The following CABLES2 variants were observed in gnomAD, a reference collection of about 807,000 sequenced individuals.
CABLES2 encodes Cdk5 and Abl enzyme substrate 2.
A neutral mutation model predicts 44.8 loss-of-function variants in CABLES2; 35 were observed. The observed-to-expected ratio is 0.78, with a 90% confidence interval of 0.60 to 1.04. CABLES2 has a LOEUF of 1.04. Among genes scored for constraint, CABLES2 ranks in the 50% least tolerant of loss-of-function variants. CABLES2 has a pLI of 0.00. For synonymous variants in CABLES2, 282 were observed against 281.1 expected, an observed-to-expected ratio of 1.00 and a Z score of -0.03; for missense variants, 566 against 615.7, an observed-to-expected ratio of 0.92 and a Z score of 0.85.
chr20:62,390,647 G>T lies in CABLES2; in HGVS notation c.*324C>A. ...CACTGCAGCCGGCTCGCTGCTGCACGCTGTGAACAAAAGGTCCTGGTACCA... is the reference window on the plus strand; with the variant it reads ...CACTGCAGCCGGCTCGCTGCTGCACTCTGTGAACAAAAGGTCCTGGTACCA... On this transcript the variant is annotated 3_prime_UTR_variant, in exon 10 of 10. Transcript: ENST00000279101. The T allele has an allele frequency of 2.8e-6, 1 of 358,234 alleles. No homozygotes were observed. The highest frequency in any genetic ancestry group is 5.3e-6 in the Non-Finnish European group (1 of 189,826). The allele number at this position is 358,234 out of a possible 1,614,324, so 22.2% of individuals were successfully genotyped here.
chr20:62,401,641 C>T (rs751115362), intron 1 of CABLES2, among the ~76,000 whole-genome samples: 1 of 152,222 alleles, frequency 6.6e-6, no homozygotes, highest in Non-Finnish European at 1.5e-5. Flanking sequence ...GCGGGACATG[C>T]GCAATCAGGG....
chr20:62,400,977 G>A (rs1354687399), intron 1 of CABLES2, among the ~76,000 whole-genome samples: 2 of 152,196 alleles, frequency 1.3e-5, no homozygotes, highest in African/African-American at 4.8e-5. Flanking sequence ...GCATTCTGAC[G>A]CTCAGTTCAT....
chr20:62,398,106 ATGGTGGTGG>A (rs1169956607), intron 1 of CABLES2, among the ~76,000 whole-genome samples: 2 of 48,776 alleles, frequency 4.1e-5, no homozygotes, highest in East Asian at 1.1e-3. Flanking sequence ...GGTGGTGGTG[ATGGTGGTGG>A]TGGTGGTGGT....
rs143555104 is a variant in CABLES2, at chr20:62,388,861, G to A, written c.*2110C>T. On this transcript the variant is annotated 3_prime_UTR_variant, in exon 10 of 10. Coordinates refer to ENST00000279101, the MANE Select transcript of CABLES2 (RefSeq NM_031215.3). Reference sequence around the variant, plus strand: ...TTCTAGAGAATGACAGGCTGAGACTGTAGTTTGGTTTAACTACTGGCTTTG... The same window carrying A: ...TTCTAGAGAATGACAGGCTGAGACTATAGTTTGGTTTAACTACTGGCTTTG... 103 of 232,280 alleles carry A rather than the reference G, an allele frequency of 4.4e-4. No individual in the cohort carries two copies. Among genetic ancestry groups the A allele is most frequent in the African/African-American group, 2.3e-3 (100 of 43,660 alleles). 14.4% of individuals were successfully genotyped at this position (232,280 alleles called of 1,614,324 possible). A position where few individuals can be genotyped will look rare whatever the true frequency, so the allele number is the denominator to read the frequency against.
chr20:62,401,208 G>C (rs1404452505), intron 1 of CABLES2, among the ~76,000 whole-genome samples: 5 of 152,200 alleles, frequency 3.3e-5, no homozygotes, highest in Non-Finnish European at 7.3e-5. Flanking sequence ...TTTGGTTTGA[G>C]TCCACAAGAC....
chr20:62,398,790 G>A (rs1988134095), intron 1 of CABLES2, among the ~76,000 whole-genome samples: 3 of 152,178 alleles, frequency 2.0e-5, no homozygotes. Context: ...CAGCGAGAGT[G>A]CCACAGCCAC....
intron 1 of CABLES2, among the ~76,000 whole-genome samples, chr20:62,406,652 GACT>G (rs1988294345): frequency 1.3e-5 from 2 of 148,466 alleles, no homozygotes; most frequent in African/African-American, 5.2e-5. Context: ...TGAGGGCCCA[GACT>G]GACCCTGACC....
chr20:62,406,534 G>T (rs1569020569), intron 1 of CABLES2, among the ~76,000 whole-genome samples: 1 of 152,092 alleles, frequency 6.6e-6, no homozygotes, highest in Admixed American at 6.5e-5. Context: ...CCCTATGTGT[G>T]GGGGGTGACA....
intron 7 of CABLES2, 38 bp from the exon 8 acceptor site, chr20:62,392,533 G>A (rs751393390): frequency 1.7e-5 from 25 of 1,445,440 alleles, no homozygotes; most frequent in Non-Finnish European, 1.8e-5. Context: ...CCGGCCCCTC[G>A]CACAGTCCAT....
chr20:62,391,542 G>A lies in CABLES2; in HGVS notation c.1092-89C>T, dbSNP rs1475260568. On this transcript the variant is annotated intron_variant, in intron 8 of 9. Transcript: ENST00000279101. This position sits in a 1 kb window ranked among gnomAD's most constrained non-coding sequence, Gnocchi z 5.7. ...TGCCACCACCAACCGAGGCTGGAGC[G>A]ATGTAGCTTTGGGCCGCAAGAAACA... 11 of 1,378,504 alleles carry A rather than the reference G, an allele frequency of 8.0e-6. No individual in the cohort carries two copies. Among genetic ancestry groups the A allele is most frequent in the South Asian group, 2.4e-5 (2 of 82,790 alleles). 85.4% of individuals were successfully genotyped at this position (1,378,504 alleles called of 1,614,324 possible). A position where few individuals can be genotyped will look rare whatever the true frequency, so the allele number is the denominator to read the frequency against.
Position 62,391,515 on chromosome 20 carries a change from C to T in CABLES2, c.1092-62G>A, listed in dbSNP as rs117522980. ...CTGGCTGGGGCTGAGGAGGCAGCCCCCTGCCACCACCAACCGAGGCTGGAG... is the reference window on the plus strand; with the variant it reads ...CTGGCTGGGGCTGAGGAGGCAGCCCTCTGCCACCACCAACCGAGGCTGGAG... On this transcript the variant is annotated intron_variant, in intron 8 of 9. Transcript: ENST00000279101. The surrounding 1 kb of genome is among the most constrained non-coding windows in gnomAD (Gnocchi z 5.7). The T allele has an allele frequency of 0.015, 22,555 of 1,537,672 alleles. 222 individuals are homozygous for T. The highest frequency in any genetic ancestry group is 0.018 in the Non-Finnish European group (20,114 of 1,114,742).
chr20:62,398,077 T>TGATGGCGATGGTGGTGGTGAC, intron 1 of CABLES2, among the ~76,000 whole-genome samples: 1 of 33,110 alleles, frequency 3.0e-5, no homozygotes, highest in South Asian at 1.2e-3. Context: ...GTGACGGTGG[T>TGATGGCGATGGTGGTGGTGAC]GGTGGTGGTG....
At chr20:62,401,066 T>C (rs781205467) in intron 1 of CABLES2, among the ~76,000 whole-genome samples, 8 of 152,212 alleles carry the variant, frequency 5.3e-5, no homozygotes, top group Admixed American at 5.2e-4. Context: ...AGTGGGGACC[T>C]GAGCCCACGT....
rs568629321 is a variant in CABLES2, at chr20:62,389,795, G to C, written c.*1176C>G. 10 of 152,408 alleles carry C rather than the reference G, an allele frequency of 6.6e-5. No individual in the cohort carries two copies. Among genetic ancestry groups the C allele is most frequent in the African/African-American group, 2.4e-4 (10 of 41,592 alleles). The allele number at this position is 152,408 out of a possible 1,614,324, so 9.4% of individuals were successfully genotyped here. ...TGCAGAATTTGTTGCAAGAACTTCA[G>C]ACAGACGTGGAAAAACTAGAGATGG... On this transcript the variant is annotated 3_prime_UTR_variant, in exon 10 of 10. Transcript: ENST00000279101.
At chr20:62,394,030 A>G (rs1987969515) in intron 5 of CABLES2, 127 bp downstream of exon 5, 2 of 773,594 alleles carry the variant, frequency 2.6e-6, no homozygotes, top group Non-Finnish European at 4.4e-6. Context: ...CATCCACTCC[A>G]CCCTTGCGTT....
At chr20:62,394,864 GGGCCTGGCCGAGACCA>G (rs1263661640) in intron 4 of CABLES2, 57 bp downstream of exon 4, 2 of 1,415,436 alleles carry the variant, frequency 1.4e-6, no homozygotes, top group East Asian at 4.8e-5. Context: ...GATGCCTCCT[GGGCCTGGCCGAGACCA>G]GGCCTTGCCT....
chr20:62,397,163 C>A (rs1885605379), intron 1 of CABLES2, among the ~76,000 whole-genome samples: 1 of 152,246 alleles, frequency 6.6e-6, no homozygotes, highest in Non-Finnish European at 1.5e-5. Flanking sequence ...CTGGAACATT[C>A]TGTTCCTGCT....
Position 62,389,059 on chromosome 20 carries a change from T to C in CABLES2, c.*1912A>G, listed in dbSNP as rs1316767787. 1 of 154,360 alleles carries C rather than the reference T, an allele frequency of 6.5e-6. No individual in the cohort carries two copies. The highest frequency in any genetic ancestry group is 1.4e-5 in the Non-Finnish European group (1 of 69,426). The allele number at this position is 154,360 out of a possible 1,614,324, so 9.6% of individuals were successfully genotyped here. ...GCTTATCAGCCATTTCTCGCATTCA[T>C]GTGTAGGAAAAACCATGGAGACGTG... On this transcript the variant is annotated 3_prime_UTR_variant, in exon 10 of 10. Coordinates refer to ENST00000279101, the MANE Select transcript of CABLES2 (RefSeq NM_031215.3).
At chr20:62,392,771 C>T (rs1987942884) in intron 7 of CABLES2, 149 bp downstream of exon 7, 2 of 762,114 alleles carry the variant, frequency 2.6e-6, no homozygotes, top group South Asian at 1.6e-5. Context: ...CTGGCCTGCC[C>T]TGCACACCGC....
Sources: gnomAD v4.1 joint callset for allele counts (sites outside exome capture counted in the v4.1 genomes callset) on GRCh38, gnomAD v4.1.1 for gene constraint, Gnocchi (gnomAD v3.1) non-coding constraint, MANE v1.5 for transcripts, NCBI Gene and HGNC (gene_info 2026-07-23, HGNC 2026-07-21) for gene names.